EYS: variants seen among roughly 807,000 people sequenced by gnomAD.
EYS encodes EGF-like photoreceptor maintenance factor, also known as protein eyes shut homolog.
Under a neutral mutation model 282.1 loss-of-function variants are expected in EYS, and 250 were observed. The observed-to-expected ratio is 0.89, with a 90% CI of 0.80 to 0.98. The LOEUF is 0.98. Among genes scored for constraint, EYS ranks in the 50% least tolerant of loss-of-function variants. The pLI is 0.00. For missense variants in EYS, 4,016 were observed against 3,709.0 expected (o/e 1.08, Z -2.15); for synonymous variants, 1,355 against 1,282.9 (o/e 1.06, Z -1.20).
At chr6:64,085,439 A>T (rs1772126122) in intron 31 of EYS, among the ~76,000 whole-genome samples, 1 of 152,052 alleles carries the variant, frequency 6.6e-6, no homozygotes, top group Non-Finnish European at 1.5e-5. Context: ...TAAGTGATCC[A>T]GCTGTAGCTA....
At chr6:64,495,394 C>T (rs991190742) in intron 26 of EYS, among the ~76,000 whole-genome samples, 1 of 151,802 alleles carries the variant, frequency 6.6e-6, no homozygotes, top group Non-Finnish European at 1.5e-5. Flanking sequence ...AACTTGGAAT[C>T]ACCTGTCCTT....
intron 22 of EYS, among the ~76,000 whole-genome samples, chr6:64,799,697 C>T (rs1774477140): frequency 1.3e-5 from 2 of 150,314 alleles, no homozygotes; most frequent in African/African-American, 4.9e-5. Flanking sequence ...ATAATTAATA[C>T]ATTTATACCT....
intron 36 of EYS, among the ~76,000 whole-genome samples, chr6:63,826,200 A>G (rs1771456131): frequency 6.6e-6 from 1 of 152,300 alleles, no homozygotes; most frequent in East Asian, 1.9e-4. Context: ...AAGACAAAAA[A>G]TAAGAAAATA....
intron 26 of EYS, among the ~76,000 whole-genome samples, chr6:64,518,782 C>G (rs947256162): frequency 1.3e-5 from 2 of 149,462 alleles, no homozygotes; most frequent in East Asian, 2.1e-4. Flanking sequence ...TATAAGGGGC[C>G]CCCCCCTTCT....
chr6:65,475,118 G>A (rs1222940030), intron 5 of EYS, among the ~76,000 whole-genome samples: 1 of 151,776 alleles, frequency 6.6e-6, no homozygotes, highest in Non-Finnish European at 1.5e-5. Context: ...GTCTCTTGTG[G>A]GAAAACTAAC....
chr6:64,078,009 C>T (rs1385557695), intron 32 of EYS, among the ~76,000 whole-genome samples: 1 of 151,908 alleles, frequency 6.6e-6, no homozygotes, highest in East Asian at 1.9e-4. Flanking sequence ...CGTAAGGATT[C>T]AAGTTTTATC....
intron 22 of EYS, among the ~76,000 whole-genome samples, chr6:64,690,114 C>T (rs1161851153): frequency 6.6e-6 from 1 of 151,712 alleles, no homozygotes; most frequent in Non-Finnish European, 1.5e-5. Flanking sequence ...CTACAAAGAA[C>T]TCAAACAAAT....
intron 2 of EYS, among the ~76,000 whole-genome samples, chr6:65,628,188 G>A (rs1012718937): frequency 1.3e-5 from 2 of 152,186 alleles, no homozygotes; most frequent in African/African-American, 4.8e-5. Flanking sequence ...ACACCAATCA[G>A]CACCCTGTGT....
intron 36 of EYS, among the ~76,000 whole-genome samples, chr6:63,834,243 C>A (rs1418783451): frequency 6.6e-6 from 1 of 152,046 alleles, no homozygotes; most frequent in Non-Finnish European, 1.5e-5. Context: ...TTCTGCACAG[C>A]AAAAGAAACT....
At chr6:64,508,737 A>G (rs1465980843) in intron 26 of EYS, among the ~76,000 whole-genome samples, 2 of 151,958 alleles carry the variant, frequency 1.3e-5, no homozygotes, top group Non-Finnish European at 2.9e-5. Flanking sequence ...ATTACAGTAC[A>G]TTAAAGCTTA....
At chr6:65,386,246 T>TA (rs1765799087) in intron 7 of EYS, among the ~76,000 whole-genome samples, 1 of 150,494 alleles carries the variant, frequency 6.6e-6, no homozygotes, top group Non-Finnish European at 1.5e-5. Flanking sequence ...ACCCCCCAAA[T>TA]ACTATCTGCA....
At chr6:64,694,726 G>A (rs550365632) in intron 22 of EYS, among the ~76,000 whole-genome samples, 223 of 152,330 alleles carry the variant, frequency 1.5e-3, no homozygotes, top group Non-Finnish European at 2.9e-3. Context: ...CGTAGCATAA[G>A]CTCCAGCGAT....
intron 19 of EYS, among the ~76,000 whole-genome samples, chr6:64,838,789 T>C (rs1424866337): frequency 6.6e-6 from 1 of 152,022 alleles, no homozygotes; most frequent in Non-Finnish European, 1.5e-5. Context: ...CTGAAATTCA[T>C]TCACTTTGTT....
At chr6:64,991,529 A>G (rs1771063088) in intron 14 of EYS, among the ~76,000 whole-genome samples, 1 of 151,672 alleles carries the variant, frequency 6.6e-6, no homozygotes, top group Non-Finnish European at 1.5e-5. Context: ...TAATGATTTC[A>G]AACATTATAT....
chr6:65,048,891 A>AT (rs902490885), intron 13 of EYS, among the ~76,000 whole-genome samples: 6 of 151,922 alleles, frequency 3.9e-5, no homozygotes, highest in African/African-American at 1.4e-4. Context: ...ACCTAACTCA[A>AT]GCCCTGTTTC....
chr6:65,535,140 C>T (rs1439130807), intron 2 of EYS, among the ~76,000 whole-genome samples: 1 of 152,046 alleles, frequency 6.6e-6, no homozygotes, highest in Non-Finnish European at 1.5e-5. Flanking sequence ...ACTGGAGACC[C>T]AGGATAGCTG....
intron 26 of EYS, among the ~76,000 whole-genome samples, chr6:64,553,812 C>T (rs1464370523): frequency 6.6e-6 from 1 of 151,878 alleles, no homozygotes; most frequent in African/African-American, 2.4e-5. Flanking sequence ...ATGTATTCTC[C>T]AACTATGAAG....
intron 12 of EYS, among the ~76,000 whole-genome samples, chr6:65,163,252 A>T (rs1285710218): frequency 6.6e-6 from 1 of 151,250 alleles, no homozygotes; most frequent in African/African-American, 2.4e-5. Context: ...CATAACAGAT[A>T]CAAAACTTTA....
At chr6:65,582,089 G>A (rs924616898) in intron 2 of EYS, among the ~76,000 whole-genome samples, 6 of 151,596 alleles carry the variant, frequency 4.0e-5, no homozygotes, top group African/African-American at 7.3e-5. Context: ...CCAGCTACTC[G>A]GGAGGCTGAG....
Sources: gnomAD v4.1 joint callset for allele counts (sites outside exome capture counted in the v4.1 genomes callset) on GRCh38, gnomAD v4.1.1 for gene constraint, MANE v1.5 for transcripts, NCBI Gene and HGNC (gene_info 2026-07-23, HGNC 2026-07-21) for gene names.